The following DLG2 variants were observed in gnomAD, a reference collection of about 807,000 sequenced individuals.
The protein encoded by DLG2 is discs large MAGUK scaffold protein 2.
In DLG2, 45 loss-of-function variants were observed where a neutral mutation model predicts 132.5. The observed-to-expected ratio is 0.34, with a 90% CI of 0.27 to 0.44. The LOEUF (loss-of-function observed/expected upper bound fraction) is 0.44, where lower values mean the gene tolerates loss of function less well. Ranked by LOEUF, DLG2 falls within the 20% of genes least tolerant of loss-of-function variation. The pLI, the probability that DLG2 is intolerant of heterozygous loss-of-function variation, is 1.00. For missense variants in DLG2, 1,045 were observed against 1,196.9 expected, an observed-to-expected ratio of 0.87 and a Z score of 1.87; for synonymous variants, 424 against 419.6, an observed-to-expected ratio of 1.01 and a Z score of -0.13.
chr11:84,394,772 C>T (rs572889657), intron 7 of DLG2, among the ~76,000 whole-genome samples: 2 of 152,136 alleles, frequency 1.3e-5, no homozygotes, highest in African/African-American at 4.8e-5. Flanking sequence ...CAGGTGTGCA[C>T]CAGCACGCCC....
intron 8 of DLG2, among the ~76,000 whole-genome samples, chr11:84,172,860 T>TA (rs1224215862): frequency 1.2e-4 from 18 of 151,994 alleles, no homozygotes; most frequent in African/African-American, 3.9e-4. Context: ...ACTTTTTTTT[T>TA]AAAAAATTAT....
At chr11:83,755,235 A>AT (rs1253229956) in intron 18 of DLG2, among the ~76,000 whole-genome samples, 3 of 151,388 alleles carry the variant, frequency 2.0e-5, no homozygotes, top group Non-Finnish European at 4.4e-5. Context: ...TTTAAATTAC[A>AT]TTTCCAGCAC....
chr11:85,141,694 T>C (rs1461075262), intron 5 of DLG2, among the ~76,000 whole-genome samples: 2 of 151,780 alleles, frequency 1.3e-5, no homozygotes. Context: ...TCAGGTCTTA[T>C]ATTTAAATCT....
chr11:83,711,215 C>T (rs2085340445), intron 18 of DLG2, among the ~76,000 whole-genome samples: 1 of 152,184 alleles, frequency 6.6e-6, no homozygotes, highest in South Asian at 2.1e-4. Flanking sequence ...TCAGCAAAGG[C>T]CAAAATGTCA....
intron 3 of DLG2, among the ~76,000 whole-genome samples, chr11:85,314,741 C>G (rs2152813652): frequency 6.6e-6 from 1 of 152,050 alleles, no homozygotes; most frequent in East Asian, 1.9e-4. Context: ...ATGAATTGCC[C>G]TACCAGCTCT....
intron 6 of DLG2, among the ~76,000 whole-genome samples, chr11:84,576,405 C>A (rs2099500180): frequency 6.6e-6 from 1 of 152,122 alleles, no homozygotes; most frequent in African/African-American, 2.4e-5. Flanking sequence ...TGAAAGCCTG[C>A]AGAAGTGAAG....
chr11:83,559,560 G>A (rs2096576075), intron 19 of DLG2, among the ~76,000 whole-genome samples: 1 of 152,148 alleles, frequency 6.6e-6, no homozygotes, highest in African/African-American at 2.4e-5. Flanking sequence ...AGTTGATCAC[G>A]GAAGCCATGT....
chr11:84,474,352 G>T (rs1433677128), intron 7 of DLG2, among the ~76,000 whole-genome samples: 2 of 151,994 alleles, frequency 1.3e-5, no homozygotes, highest in Non-Finnish European at 2.9e-5. Context: ...TCACAACAAT[G>T]ATTTGATGAT....
intron 3 of DLG2, among the ~76,000 whole-genome samples, chr11:85,561,077 C>T (rs1349091654): frequency 6.7e-6 from 1 of 148,502 alleles, no homozygotes; most frequent in Admixed American, 6.7e-5. Context: ...TGTGTAAGGC[C>T]AGGCATGGTG....
chr11:84,843,091 T>C (rs879369054), intron 6 of DLG2, among the ~76,000 whole-genome samples: 4 of 152,008 alleles, frequency 2.6e-5, no homozygotes, highest in Admixed American at 2.6e-4. Flanking sequence ...CCATATAGTA[T>C]TGTGCACTGA....
intron 14 of DLG2, among the ~76,000 whole-genome samples, chr11:83,945,695 G>A (rs763231442): frequency 2.6e-5 from 4 of 151,850 alleles, no homozygotes; most frequent in Non-Finnish European, 5.9e-5. Flanking sequence ...TCTGTGTTTG[G>A]TAACTCTTGC....
chr11:84,507,374 T>C (rs2099244340), intron 7 of DLG2, among the ~76,000 whole-genome samples: 1 of 152,168 alleles, frequency 6.6e-6, no homozygotes, highest in Non-Finnish European at 1.5e-5. Context: ...CTGGGAAGGC[T>C]TTGAAGAGAA....
At chr11:84,674,721 T>C (rs1324550311) in intron 6 of DLG2, among the ~76,000 whole-genome samples, 2 of 152,158 alleles carry the variant, frequency 1.3e-5, no homozygotes, top group African/African-American at 4.8e-5. Flanking sequence ...ATAGGTACAA[T>C]AGTCAGGAGT....
chr11:85,513,110 A>ATATAAG (rs1333523897), intron 3 of DLG2, among the ~76,000 whole-genome samples: 1 of 152,072 alleles, frequency 6.6e-6, no homozygotes, highest in African/African-American at 2.4e-5. Flanking sequence ...AAAACACAGC[A>ATATAAG]TATTCTCACT....
At chr11:84,614,546 C>A in intron 6 of DLG2, among the ~76,000 whole-genome samples, 1 of 152,160 alleles carries the variant, frequency 6.6e-6, no homozygotes, top group Non-Finnish European at 1.5e-5. Flanking sequence ...CAGATTAAAT[C>A]TGCATTTAGA....
intron 6 of DLG2, among the ~76,000 whole-genome samples, chr11:84,731,281 C>T (rs2063119518): frequency 6.6e-6 from 1 of 152,016 alleles, no homozygotes; most frequent in Non-Finnish European, 1.5e-5. Flanking sequence ...TTTGAAGTAT[C>T]TACTATGTGC....
intron 7 of DLG2, among the ~76,000 whole-genome samples, chr11:84,322,036 G>A (rs1383132546): frequency 2.0e-5 from 3 of 152,176 alleles, no homozygotes; most frequent in Non-Finnish European, 2.9e-5. Context: ...AAAGTAAGTG[G>A]TTGCTAGTAG....
chr11:83,472,135 G>A (rs1378982871), intron 23 of DLG2, among the ~76,000 whole-genome samples: 1 of 152,062 alleles, frequency 6.6e-6, no homozygotes, highest in Non-Finnish European at 1.5e-5. Context: ...AACATCTTAT[G>A]TTTTCATGAT....
At chr11:85,003,412 A>G (rs1245523927) in intron 6 of DLG2, among the ~76,000 whole-genome samples, 1 of 152,202 alleles carries the variant, frequency 6.6e-6, no homozygotes, top group Non-Finnish European at 1.5e-5. Context: ...ATACTAAAAT[A>G]ATGATTTTTT....
Sources: allele counts gnomAD v4.1 joint callset (sites outside exome capture counted in the v4.1 genomes callset), GRCh38; gene constraint gnomAD v4.1.1; transcripts MANE v1.5; gene names NCBI Gene and HGNC (gene_info 2026-07-23, HGNC 2026-07-21).